The following ADA variants were observed in gnomAD, a reference collection of about 807,000 sequenced individuals.
The protein encoded by ADA is adenosine deaminase.
In ADA, 45 loss-of-function variants were observed where a neutral mutation model predicts 49.0. The observed-to-expected ratio is 0.92, with a 90% confidence interval of 0.72 to 1.18. The LOEUF (loss-of-function observed/expected upper bound fraction) is 1.18, where lower values mean the gene tolerates loss of function less well. Ranked by LOEUF, ADA falls within the 50% of genes most tolerant of loss-of-function variation. The probability of loss-of-function intolerance (pLI) is 0.00; values close to 1 mark genes in which losing one functional copy is unlikely to be tolerated. For synonymous variants in ADA, 173 were observed against 184.2 expected (o/e 0.94, Z 0.49); for missense variants, 445 against 472.5 (o/e 0.94, Z 0.54).
Position 44,646,780 on chromosome 20 carries a change from ACT to A in ADA, c.33+4793_33+4794del, listed in dbSNP as rs1257323757. ...GGCCCACCCTGCCACCCTGATTCTAACTCTTCCCCCCACACTGCCCCCTCTTT... is the reference window on the plus strand; with the variant it reads ...GGCCCACCCTGCCACCCTGATTCTAACTTCCCCCCACACTGCCCCCTCTTT... On this transcript the variant is annotated intron_variant, in intron 1 of 11. Transcript: ENST00000372874. 8.6e-5 allele frequency among the ~76,000 whole-genome samples: 13 copies of A among 151,714 alleles called. No individual in the cohort carries two copies. The East Asian group carries it at 1.6e-3, about 18-fold the overall frequency.
chr20:44,633,132 T>A (rs375379), intron 2 of ADA, among the ~76,000 whole-genome samples: 1 of 152,206 alleles, frequency 6.6e-6, no homozygotes, highest in Non-Finnish European at 1.5e-5. Context: ...GAGGATGAGC[T>A]CAGGGGTTGC....
At chr20:44,622,704 C>T in intron 8 of ADA, 52 bp from the exon 9 acceptor site, 2 of 1,613,300 alleles carry the variant, frequency 1.2e-6, no homozygotes, top group Middle Eastern at 1.6e-4. Context: ...CATGCTGATT[C>T]CTCCCCCCAT....
intron 10 of ADA, 166 bp downstream of exon 10, chr20:44,620,852 T>A (rs2065323413): frequency 1.0e-6 from 1 of 955,086 alleles, no homozygotes; most frequent in Admixed American, 1.9e-5. Context: ...GGTCAGGACG[T>A]CAACACAAAG....
At chr20:44,631,947 G>A (rs78373910) in intron 2 of ADA, among the ~76,000 whole-genome samples, 2 of 152,144 alleles carry the variant, frequency 1.3e-5, no homozygotes, top group Admixed American at 1.3e-4. Context: ...TTCCAAATAC[G>A]GCTCCTCCAT....
At chr20:44,634,984 G>A (rs1372740687) in intron 2 of ADA, among the ~76,000 whole-genome samples, 3 of 152,258 alleles carry the variant, frequency 2.0e-5, no homozygotes, top group Admixed American at 2.0e-4. Context: ...GCGGGGGCAG[G>A]GCTGGGTGGA....
intron 2 of ADA, 153 bp downstream of exon 2, chr20:44,636,074 G>GTCCTCAC (rs2065477326): frequency 2.7e-6 from 2 of 748,982 alleles, no homozygotes; most frequent in Non-Finnish European, 4.7e-6. Context: ...AGGCCTCCAT[G>GTCCTCAC]TCCTCACAGT....
In ADA at chr20:44,622,823, G is replaced by C. The variant is rs774759287; in HGVS notation, c.780+6C>G. ...ATGGTTCCTCCCCACTCCCTGGCCC[G>C]CTTACCTCGAAGTGCATGTTTTCCT... On this transcript the variant is annotated splice_donor_region_variant and intron_variant, in intron 8 of 11. Coordinates refer to ENST00000372874, the MANE Select transcript of ADA (RefSeq NM_000022.4). The C allele has an allele frequency of 1.2e-6, 2 of 1,614,206 alleles. No homozygotes were observed. The highest frequency in any genetic ancestry group is 1.7e-6 in the Non-Finnish European group (2 of 1,180,026).
chr20:44,642,973 G>A (rs930586944), intron 1 of ADA, among the ~76,000 whole-genome samples: 1 of 152,104 alleles, frequency 6.6e-6, no homozygotes, highest in African/African-American at 2.4e-5. Context: ...ACGGCTGCCT[G>A]AGAAGAGGCC....
chr20:44,630,345 CAA>C (rs560993696), intron 2 of ADA, among the ~76,000 whole-genome samples: 3 of 77,208 alleles, frequency 3.9e-5, no homozygotes, highest in Admixed American at 1.5e-4. Context: ...CTCTGTATCA[CAA>C]AAAAAAAAAG....
Position 44,619,798 on chromosome 20 carries a change from G to T in ADA, c.*36C>A. 6.2e-7 allele frequency: 1 copy of T among 1,613,968 alleles called. No homozygotes were observed. The highest frequency in any genetic ancestry group is 1.1e-5 in the South Asian group (1 of 91,060). Reference sequence around the variant, plus strand: ...TTGCTCAGCCCCACAGAGTTGGGGTGACTCCACAGGGTGAAGGCTTGGAGG... The same window carrying T: ...TTGCTCAGCCCCACAGAGTTGGGGTTACTCCACAGGGTGAAGGCTTGGAGG... On this transcript the variant is annotated 3_prime_UTR_variant, in exon 12 of 12. Transcript: ENST00000372874.
chr20:44,629,997 C>T (rs1185706002), intron 2 of ADA, among the ~76,000 whole-genome samples: 1 of 132,140 alleles, frequency 7.6e-6, no homozygotes, highest in Non-Finnish European at 1.5e-5. Context: ...GCCTCAGTTT[C>T]CCCCCCCTTT....
At chr20:44,630,176 C>A (rs1171973625) in intron 2 of ADA, among the ~76,000 whole-genome samples, 1 of 151,956 alleles carries the variant, frequency 6.6e-6, no homozygotes, top group African/African-American at 2.4e-5. Context: ...GAAACCCCGT[C>A]TCTACCAAAA....
chr20:44,640,814 C>T (rs368120396), intron 1 of ADA, among the ~76,000 whole-genome samples: 2 of 151,390 alleles, frequency 1.3e-5, no homozygotes, highest in Admixed American at 1.3e-4. Flanking sequence ...AAGAGAAACA[C>T]ACACAAGAGG....
chr20:44,641,728 ACT>A (rs1176716075), intron 1 of ADA, among the ~76,000 whole-genome samples: 1 of 150,764 alleles, frequency 6.6e-6, no homozygotes, highest in Admixed American at 6.6e-5. Context: ...CTGCATGGCT[ACT>A]TCTGGCTAAA....
At chr20:44,634,723 T>A (rs1378917716) in intron 2 of ADA, among the ~76,000 whole-genome samples, 1 of 152,208 alleles carries the variant, frequency 6.6e-6, no homozygotes, top group African/African-American at 2.4e-5. Flanking sequence ...TGCGAAAAGA[T>A]GGAGAATAGT....
At chr20:44,623,224 C>A (rs2065350287) in intron 6 of ADA, 146 bp from the exon 7 acceptor site, 2 of 1,214,826 alleles carry the variant, frequency 1.6e-6, no homozygotes, top group African/African-American at 1.5e-5. Context: ...CCCTCCAAGT[C>A]CTTATCTAAG....
Position 44,634,111 on chromosome 20 carries a change from AG to A in ADA, c.95+2115del, listed in dbSNP as rs1185647374. The stretch of plus-strand genomic sequence containing the variant: ...CGGCGGCTCCTTTCCCCTTTCTCTT[AG>A]CCCCACCCGGCGCTCCCAGCCCCTG... On this transcript the variant is annotated intron_variant, in intron 2 of 11. Transcript: ENST00000372874. Among the ~76,000 whole-genome samples the A allele has an allele frequency of 1.4e-4, 21 of 152,162 alleles. 1 individual carries two copies. The highest frequency in any genetic ancestry group is 4.1e-4 in the African/African-American group (17 of 41,512).
chr20:44,641,922 CA>C (rs2065539607), intron 1 of ADA, among the ~76,000 whole-genome samples: 5 of 152,008 alleles, frequency 3.3e-5, no homozygotes, highest in Admixed American at 3.3e-4. Flanking sequence ...CGCCCACCAC[CA>C]TGCCCGGCTA....
chr20:44,630,871 AG>A (rs1295215831), intron 2 of ADA, among the ~76,000 whole-genome samples: 2 of 152,074 alleles, frequency 1.3e-5, no homozygotes, highest in Admixed American at 1.3e-4. Flanking sequence ...AAAATTCACC[AG>A]GCGTGGTGGC....
Sources: gnomAD v4.1 joint callset for allele counts (sites outside exome capture counted in the v4.1 genomes callset) on GRCh38, gnomAD v4.1.1 for gene constraint, MANE v1.5 for transcripts, NCBI Gene and HGNC (gene_info 2026-07-23, HGNC 2026-07-21) for gene names.